Variants in TOM1L1 observed in about 807,000 individuals in gnomAD.
TOM1L1 encodes TOM1-like protein 1.
Under a neutral mutation model 63.4 loss-of-function variants are expected in TOM1L1, and 64 were observed. The ratio of observed to expected loss-of-function variants is 1.01; its 90% CI spans 0.83 to 1.24. TOM1L1 has a LOEUF of 1.24. TOM1L1 is among the 50% of genes most tolerant of loss of function. The pLI, the probability that TOM1L1 is intolerant of heterozygous loss-of-function variation, is 0.00. For missense variants in TOM1L1, 536 were observed against 567.0 expected (o/e 0.95, Z 0.55); for synonymous variants, 166 against 194.4 (o/e 0.85, Z 1.22).
intron 7 of TOM1L1, 73 bp downstream of exon 7, chr17:54,915,935 T>C (rs769080163): frequency 9.9e-6 from 11 of 1,110,048 alleles, no homozygotes; most frequent in Non-Finnish European, 1.5e-5. Context: ...AGTTTGGAGA[T>C]GGAAGACACC....
rs373682221 is a variant in TOM1L1 at position 54,917,863 on chromosome 17, T to C, written c.720+2001T>C. On this transcript the variant is annotated intron_variant, in intron 7 of 15. Transcript: ENST00000575882. ...TGGGATCCATTTATGGATGGTCTTC[T>C]GGATTATGTATTCTCTATTTTTTTC... 4.6e-5 allele frequency among the ~76,000 whole-genome samples: 7 copies of C among 152,346 alleles called. No homozygotes were observed. In the East Asian group the frequency reaches 1.3e-3, roughly 29 times the overall value.
At chr17:54,901,884 C>A (rs1424775952) in intron 1 of TOM1L1, among the ~76,000 whole-genome samples, 1 of 152,096 alleles carries the variant, frequency 6.6e-6, no homozygotes, top group Admixed American at 6.5e-5. Flanking sequence ...TGAGGAGATG[C>A]TTTCCCTTAA....
At chr17:54,917,117 G>T (rs931861263) in intron 7 of TOM1L1, 1 of 152,222 alleles carries the variant, frequency 6.6e-6, no homozygotes, top group South Asian at 2.1e-4. Context: ...ATATGTACAT[G>T]TGTGCAGATG....
chr17:54,943,902 G>A (rs972925465), intron 11 of TOM1L1, among the ~76,000 whole-genome samples: 4 of 151,568 alleles, frequency 2.6e-5, no homozygotes, highest in Non-Finnish European at 4.4e-5. Flanking sequence ...ACTTGAACCC[G>A]GGAGGCGGAG....
Position 54,930,127 on chromosome 17 carries a change from G to T in TOM1L1, c.775G>T (p.Val259Leu). ...GGAGAGGATCATGGACCTGCTTGTG[G>T]TGGTGGAGAACGAAGATGTAACTGT... ...MQERIMDLLV[V>L]VENEDVTVEL... The change falls in exon 8 of 16, where the codon GTG (valine) becomes TTG (leucine). Residue 259 changes from valine (V) to leucine (L), a missense_variant. Transcript: ENST00000575882. 1 of 1,614,096 alleles carries T rather than the reference G, an allele frequency of 6.2e-7. No homozygotes were observed. The highest frequency in any genetic ancestry group is 8.5e-7 in the Non-Finnish European group (1 of 1,180,002).
intron 3 of TOM1L1, among the ~76,000 whole-genome samples, chr17:54,907,593 C>T (rs1160304125): frequency 6.6e-6 from 1 of 152,088 alleles, no homozygotes; most frequent in Non-Finnish European, 1.5e-5. Flanking sequence ...AATGATTAAG[C>T]ACCCCACCCT....
chr17:54,913,267 T>C (rs1801155001), intron 4 of TOM1L1, among the ~76,000 whole-genome samples: 1 of 152,230 alleles, frequency 6.6e-6, no homozygotes, highest in Non-Finnish European at 1.5e-5. Context: ...TATATTTTCC[T>C]AGCCTTTGAA....
At chr17:54,925,992 TTC>T (rs1225914058) in intron 7 of TOM1L1, among the ~76,000 whole-genome samples, 1 of 152,214 alleles carries the variant, frequency 6.6e-6, no homozygotes, top group East Asian at 1.9e-4. Context: ...CTAGTAACTG[TTC>T]TGTTTCTTTG....
At chr17:54,923,781 GGTGATCTA>G (rs2048722202) in intron 7 of TOM1L1, among the ~76,000 whole-genome samples, 1 of 151,788 alleles carries the variant, frequency 6.6e-6, no homozygotes, top group African/African-American at 2.4e-5. Context: ...TCTGACCTCA[GGTGATCTA>G]CCTGCCTTGG....
At position 54,915,817 on chromosome 17, in the gene TOM1L1, G is replaced by C. The variant is rs1452728449; in HGVS notation, c.675G>C (p.Glu225Asp). 1.2e-6 allele frequency: 2 copies of C among 1,613,846 alleles called. No homozygotes were observed. The highest frequency in any genetic ancestry group is 3.3e-5 in the Admixed American group (2 of 59,954). The stretch of plus-strand genomic sequence containing the variant: ...GAGTGATGTCCGCCATATTGATGGA[G>C]AATACTCCTGGGTCTGAAAACCATG... ...NVRVMSAILM[E>D]NTPGSENHED... The change falls in exon 7 of 16, where the codon GAG (glutamate) becomes GAC (aspartate). Residue 225 changes from glutamate to aspartate, a missense_variant. Physicochemically the swap from Glu to Asp is conservative, Grantham distance 45. Coordinates refer to ENST00000575882, the MANE Select transcript of TOM1L1 (RefSeq NM_005486.3).
At chr17:54,958,690 A>G (rs2077019212) in intron 14 of TOM1L1, among the ~76,000 whole-genome samples, 1 of 139,160 alleles carries the variant, frequency 7.2e-6, no homozygotes, top group South Asian at 2.4e-4. Flanking sequence ...AGATCCCACT[A>G]TTGCACTCTA....
intron 8 of TOM1L1, among the ~76,000 whole-genome samples, chr17:54,931,051 A>G (rs1276135326): frequency 1.3e-5 from 2 of 151,862 alleles, no homozygotes; most frequent in Non-Finnish European, 2.9e-5. Flanking sequence ...AAAAGAAATA[A>G]TAATAAAATG....
chr17:54,913,404 G>A (rs1370166455), intron 4 of TOM1L1, among the ~76,000 whole-genome samples: 2 of 152,096 alleles, frequency 1.3e-5, no homozygotes, highest in South Asian at 2.1e-4. Context: ...GGTGGCTCAC[G>A]CCTGTAATCC....
chr17:54,931,537 C>T (rs1398826868), intron 8 of TOM1L1, among the ~76,000 whole-genome samples: 1 of 152,150 alleles, frequency 6.6e-6, no homozygotes, highest in Non-Finnish European at 1.5e-5. Flanking sequence ...TGGTGGTGCA[C>T]ACCTGTAATC....
intron 11 of TOM1L1, among the ~76,000 whole-genome samples, chr17:54,944,935 C>T (rs1567839148): frequency 1.3e-5 from 2 of 152,100 alleles, no homozygotes; most frequent in Non-Finnish European, 2.9e-5. Context: ...CTGGGGCTGT[C>T]ATAACAAATG....
chr17:54,925,511 C>T (rs1163246302), intron 7 of TOM1L1, among the ~76,000 whole-genome samples: 1 of 152,178 alleles, frequency 6.6e-6, no homozygotes, highest in Non-Finnish European at 1.5e-5. Context: ...AAGGAAAGTT[C>T]TCCAGCAGAA....
At position 54,938,931 on chromosome 17, in the gene TOM1L1, C is replaced by A. The variant is rs147880312; in HGVS notation, c.1041C>A (p.Ser347Arg). 2 of 1,605,514 alleles carry A rather than the reference C, an allele frequency of 1.2e-6. No homozygotes were observed. The highest frequency in any genetic ancestry group is 8.5e-7 in the Non-Finnish European group (1 of 1,175,218). Residue 347 changes from serine to arginine, a missense_variant, in exon 11 of 16, where the codon AGC (serine) becomes AGA (arginine). Coordinates refer to ENST00000575882, the MANE Select transcript of TOM1L1 (RefSeq NM_005486.3). ...GTCCATTTTGTGTTTTAGATTTCAG[C>A]CTTCCAAGTTCTGATGTAACAAACA... ...MNNQLSGLNF[S>R]LPSSDVTNNL...
chr17:54,903,705 C>T lies in TOM1L1; in HGVS notation c.59-3C>T, dbSNP rs1449015249. ...CTCAGACTCAACAGCTTTTTCTTGG[C>T]AGAAAAGGCTACATTTGCTGGAGTT... On this transcript the variant is annotated splice_polypyrimidine_tract_variant and splice_region_variant and intron_variant, in intron 1 of 15. Transcript: ENST00000575882. 1 of 1,613,556 alleles carries T rather than the reference C, an allele frequency of 6.2e-7. No homozygotes were observed. Among genetic ancestry groups the T allele is most frequent in the Non-Finnish European group, 8.5e-7 (1 of 1,179,502 alleles).
intron 7 of TOM1L1, among the ~76,000 whole-genome samples, chr17:54,924,116 G>A (rs186095312): frequency 1.8e-3 from 267 of 152,102 alleles, no homozygotes; most frequent in Non-Finnish European, 2.6e-3. Flanking sequence ...AGCCCTTCTC[G>A]GTCGTCTTTA....
Sources: allele counts gnomAD v4.1 joint callset (sites outside exome capture counted in the v4.1 genomes callset), GRCh38; gene constraint gnomAD v4.1.1; transcripts MANE v1.5; gene names NCBI Gene and HGNC (gene_info 2026-07-23, HGNC 2026-07-21).